PDE4A: variants seen among roughly 807,000 people sequenced by gnomAD.
PDE4A encodes 3',5'-cyclic-AMP phosphodiesterase 4A.
PDE4A carries 21 observed loss-of-function variants against 73.9 expected under a neutral mutation model. The ratio of observed to expected loss-of-function variants is 0.28; its 90% CI spans 0.20 to 0.41. The LOEUF is 0.41. Ranked by LOEUF, PDE4A falls within the 10% of genes least tolerant of loss-of-function variation. The probability of loss-of-function intolerance (pLI) is 1.00; values close to 1 mark genes in which losing one functional copy is unlikely to be tolerated. For missense variants in PDE4A, 958 were observed against 1,211.4 expected, an observed-to-expected ratio of 0.79 and a Z score of 3.10; for synonymous variants, 463 against 505.4, an observed-to-expected ratio of 0.92 and a Z score of 1.13.
At chr19:10,434,281 T>G (rs2042835214) in intron 1 of PDE4A, among the ~76,000 whole-genome samples, 1 of 150,490 alleles carries the variant, frequency 6.6e-6, no homozygotes, top group Non-Finnish European at 1.5e-5. Context: ...CTTGGCTCAA[T>G]GCAACCTCTG....
In PDE4A at chr19:10,432,087, AGGCGGGGCCGGAGGCGGTGGCAGGAG is replaced by A. The variant is rs1455773416; in HGVS notation, c.320+11010_320+11035del. Among the ~76,000 whole-genome samples, 7 of 142,992 alleles carry A rather than the reference AGGCGGGGCCGGAGGCGGTGGCAGGAG, an allele frequency of 4.9e-5. No homozygotes were observed. The South Asian group carries it at 1.1e-3, about 23-fold the overall frequency. The allele number at this position is 142,992 out of a possible 152,430, so 93.8% of individuals were successfully genotyped here. ...CGACGTCAGGGCGGGGAGGGGGGAA[AGGCGGGGCCGGAGGCGGTGGCAGGAG>A]GGCGGGCCCGGAGCCGGGAAACCGG... On this transcript the variant is annotated intron_variant, in intron 1 of 14. Coordinates refer to ENST00000380702, the MANE Select transcript of PDE4A (RefSeq NM_001111307.2).
intron 1 of PDE4A, among the ~76,000 whole-genome samples, chr19:10,442,889 A>C (rs2042956863): frequency 6.7e-6 from 1 of 150,158 alleles, no homozygotes; most frequent in Admixed American, 6.7e-5. Context: ...GTGCATATAC[A>C]TGTATGCAAT....
chr19:10,459,314 C>T, intron 8 of PDE4A, 86 bp from the exon 9 acceptor site: 1 of 1,595,810 alleles, frequency 6.3e-7, no homozygotes, highest in Non-Finnish European at 8.5e-7. Flanking sequence ...GTGCTTCCTT[C>T]AGACCAAGGC....
chr19:10,436,731 G>A (rs76888968), intron 1 of PDE4A, among the ~76,000 whole-genome samples: 2,125 of 152,210 alleles, frequency 0.014, 49 homozygotes, highest in African/African-American at 0.048. Context: ...CCAGGACACA[G>A]CAGGTGCTCA....
chr19:10,433,735 A>G (rs1223163086), intron 1 of PDE4A, among the ~76,000 whole-genome samples: 2 of 152,248 alleles, frequency 1.3e-5, no homozygotes, highest in African/African-American at 4.8e-5. Context: ...CCTGGGAGAC[A>G]CACACCAGCA....
Position 10,467,351 on chromosome 19 carries a change from G to T in PDE4A, c.2391G>T (p.Ser797=), listed in dbSNP as rs780472201. 1.2e-6 allele frequency: 2 copies of T among 1,614,044 alleles called. No homozygotes were observed. Among genetic ancestry groups the T allele is most frequent in the Non-Finnish European group, 1.7e-6 (2 of 1,180,030 alleles). Residue 797 remains serine (S), a synonymous_variant, in exon 15 of 15, where the codon TCG becomes TCT. Coordinates refer to ENST00000380702, the MANE Select transcript of PDE4A (RefSeq NM_001111307.2). ...CACCTGTGGCTCCGGATGAGTTCTC[G>T]TCCCGGGAGGAATTCGTGGTTGCTG... ...GSAPVAPDEF[S]SREEFVVAVS... is the part of the protein sequence containing the mutation.
chr19:10,451,487 T>C (rs2043090969), intron 6 of PDE4A, among the ~76,000 whole-genome samples: 1 of 152,064 alleles, frequency 6.6e-6, no homozygotes, highest in Admixed American at 6.6e-5. Flanking sequence ...GGCTACGCAT[T>C]TGCAGCGCTG....
intron 2 of PDE4A, among the ~76,000 whole-genome samples, chr19:10,448,191 C>T (rs2145533476): frequency 6.6e-6 from 1 of 151,448 alleles, no homozygotes; most frequent in African/African-American, 2.4e-5. Flanking sequence ...CCTCTGCCTC[C>T]CGGGTTCAAG....
At chr19:10,452,613 G>A (rs2043109519) in intron 6 of PDE4A, among the ~76,000 whole-genome samples, 1 of 147,284 alleles carries the variant, frequency 6.8e-6, no homozygotes, top group South Asian at 2.2e-4. Flanking sequence ...ACTGTCTCCG[G>A]GTGTGTGTGT....
chr19:10,429,535 G>A (rs893660510), intron 1 of PDE4A, among the ~76,000 whole-genome samples: 1 of 151,952 alleles, frequency 6.6e-6, no homozygotes, highest in African/African-American at 2.4e-5. Context: ...ATGGGATCTC[G>A]CCATGTCACC....
rs1240463890 is a variant in PDE4A, at chr19:10,424,059, C to T, written c.320+2975C>T. On this transcript the variant is annotated intron_variant, in intron 1 of 14. Transcript: ENST00000380702. The surrounding 1 kb of genome is among the most constrained non-coding windows in gnomAD (Gnocchi z 4.8). ...GCTACCGCAAAAGGAGTCCAGCGAG[C>T]TCCCCCGATTTGGGTCAAAGGAATC... 6.6e-6 allele frequency among the ~76,000 whole-genome samples: 1 copy of T among 152,236 alleles called. No individual in the cohort carries two copies. The highest frequency in any genetic ancestry group is 1.5e-5 in the Non-Finnish European group (1 of 68,040).
chr19:10,437,244 C>T (rs1043678681), intron 1 of PDE4A, among the ~76,000 whole-genome samples: 2 of 151,950 alleles, frequency 1.3e-5, no homozygotes, highest in Non-Finnish European at 2.9e-5. Context: ...CTGCCTCAGC[C>T]TCCTGAGTAG....
chr19:10,429,294 GAA>G (rs398120821), intron 1 of PDE4A, among the ~76,000 whole-genome samples: 11 of 146,880 alleles, frequency 7.5e-5, no homozygotes, highest in Non-Finnish European at 1.2e-4. Flanking sequence ...AAGAAAGAAA[GAA>G]AGAAAGAGAG....
rs1298014936 is a variant in PDE4A at position 10,421,010 on chromosome 19, C to T, written c.246C>T (p.Thr82=). 6.6e-7 allele frequency: 1 copy of T among 1,508,796 alleles called. No individual in the cohort carries two copies. Among genetic ancestry groups the T allele is most frequent in the Non-Finnish European group, 8.8e-7 (1 of 1,137,618 alleles). 93.5% of individuals were successfully genotyped at this position (1,508,796 alleles called of 1,614,324 possible). Residue 82 remains threonine, a synonymous_variant, in exon 1 of 15, where the codon ACC becomes ACT. Coordinates refer to ENST00000380702, the MANE Select transcript of PDE4A (RefSeq NM_001111307.2). ...GCGACCGGCCCGGCCTGCGCACGAC[C>T]CGCATGTCCTGGCCCTCGTCCTTCC... The part of the protein sequence containing the change: ...DTSDRPGLRT[T]RMSWPSSFHG...
At chr19:10,420,408 G>C, upstream of PDE4A, 1 of 972,250 alleles carries the variant, frequency 1.0e-6, no homozygotes, top group African/African-American at 1.8e-5. This position sits in a 1 kb window ranked among gnomAD's most constrained non-coding sequence, Gnocchi z 6.0. Context: ...GCCCCCCGCT[G>C]GCCCGGACGG....
At chr19:10,448,098 C>G (rs1159034317) in intron 2 of PDE4A, among the ~76,000 whole-genome samples, 1 of 150,836 alleles carries the variant, frequency 6.6e-6, no homozygotes, top group Non-Finnish European at 1.5e-5. Context: ...TCTTTTTTAT[C>G]TCTCTCTTTT....
intron 13 of PDE4A, 129 bp from the exon 14 acceptor site, chr19:10,463,664 G>A: frequency 1.3e-6 from 2 of 1,492,954 alleles, no homozygotes; most frequent in Non-Finnish European, 1.8e-6. Flanking sequence ...GCATCCCAAA[G>A]TACTGGAATT....
chr19:10,442,094 T>C (rs547166009), intron 1 of PDE4A, among the ~76,000 whole-genome samples: 1 of 152,236 alleles, frequency 6.6e-6, no homozygotes, highest in East Asian at 1.9e-4. Flanking sequence ...GTTAGACTAG[T>C]AGGTAGATTT....
In PDE4A at chr19:10,424,535, C is replaced by G. The variant is rs2042689993; in HGVS notation, c.320+3451C>G. 6.6e-6 allele frequency among the ~76,000 whole-genome samples: 1 copy of G among 152,244 alleles called. No homozygotes were observed. Among genetic ancestry groups the G allele is most frequent in the East Asian group, 1.9e-4 (1 of 5,188 alleles). ...CTGGGTGTGCGCTCCGAGCGCGGAC[C>G]TGCTCCAGGGACGCCGCCAGTCCCG... On this transcript the variant is annotated intron_variant, in intron 1 of 14. Coordinates refer to ENST00000380702, the MANE Select transcript of PDE4A (RefSeq NM_001111307.2). This position sits in a 1 kb window ranked among gnomAD's most constrained non-coding sequence, Gnocchi z 4.8.
Sources: gnomAD v4.1 joint callset for allele counts (sites outside exome capture counted in the v4.1 genomes callset) on GRCh38, gnomAD v4.1.1 for gene constraint, Gnocchi (gnomAD v3.1) non-coding constraint, MANE v1.5 for transcripts, NCBI Gene and HGNC (gene_info 2026-07-23, HGNC 2026-07-21) for gene names.